RPAP2: variants seen among roughly 807,000 people sequenced by gnomAD.
RPAP2 encodes the protein putative RNA polymerase II subunit B1 CTD phosphatase RPAP2.
A neutral mutation model predicts 73.1 loss-of-function variants in RPAP2; 52 were observed. The observed-to-expected ratio is 0.71, with a 90% CI of 0.57 to 0.90. The LOEUF is 0.90. Among genes scored for constraint, RPAP2 ranks in the 40% least tolerant of loss-of-function variants. The pLI is 0.00. For missense variants in RPAP2, 598 were observed against 701.8 expected, an observed-to-expected ratio of 0.85 and a Z score of 1.67; for synonymous variants, 225 against 242.1, an observed-to-expected ratio of 0.93 and a Z score of 0.65.
intron 10 of RPAP2, among the ~76,000 whole-genome samples, chr1:92,340,443 T>C (rs1204024152): frequency 1.3e-5 from 2 of 152,326 alleles, no homozygotes; most frequent in Middle Eastern, 3.4e-3. Flanking sequence ...TCAATACTGA[T>C]AGTGGGAAAG....
rs558443276 is a variant in RPAP2 at position 92,332,219 on chromosome 1, A to T, written c.1456-1172A>T. ...CATTCTGGATATTTTCTTATTCAGC[A>T]TTCTCTCTTCAGCCATTTCTACTAT... is the stretch of plus-strand genomic sequence containing the variant. On this transcript the variant is annotated intron_variant, in intron 8 of 12. Coordinates refer to ENST00000610020, the MANE Select transcript of RPAP2 (RefSeq NM_024813.3). 1.1e-4 allele frequency among the ~76,000 whole-genome samples: 17 copies of T among 151,842 alleles called. No homozygotes were observed. In the South Asian group the frequency reaches 3.5e-3, roughly 32 times the overall value.
chr1:92,368,766 C>T (rs1655029527), intron 11 of RPAP2, among the ~76,000 whole-genome samples: 1 of 152,172 alleles, frequency 6.6e-6, no homozygotes, highest in Non-Finnish European at 1.5e-5. Flanking sequence ...CTTGTCCTAA[C>T]CTGATTTACA....
intron 6 of RPAP2, among the ~76,000 whole-genome samples, chr1:92,309,488 T>G (rs1651450884): frequency 6.6e-6 from 1 of 152,000 alleles, no homozygotes; most frequent in African/African-American, 2.4e-5. Flanking sequence ...TGAATCAACT[T>G]AATTTACATT....
intron 6 of RPAP2, among the ~76,000 whole-genome samples, chr1:92,310,932 T>C (rs931573307): frequency 2.6e-5 from 4 of 152,206 alleles, no homozygotes; most frequent in Non-Finnish European, 5.9e-5. Context: ...AGATATCTTA[T>C]TGAAATGACT....
chr1:92,306,638 G>GATAGAGACCAGCCTGGGCAACAA (rs1553149400), intron 5 of RPAP2, among the ~76,000 whole-genome samples: 1 of 151,904 alleles, frequency 6.6e-6, no homozygotes, highest in African/African-American at 2.4e-5. Flanking sequence ...AGGGAGAGAA[G>GATAGAGACCAGCCTGGGCAACAA]ATAGAGACCA....
chr1:92,343,685 T>G (rs1178805579), intron 10 of RPAP2, among the ~76,000 whole-genome samples: 1 of 152,124 alleles, frequency 6.6e-6, no homozygotes, highest in Non-Finnish European at 1.5e-5. Context: ...AAACTTGGAA[T>G]AGTGAAGTAC....
intron 11 of RPAP2, among the ~76,000 whole-genome samples, chr1:92,361,250 A>G (rs1421830020): frequency 6.6e-6 from 1 of 152,092 alleles, no homozygotes; most frequent in Non-Finnish European, 1.5e-5. Context: ...AAAGATACCT[A>G]TAGTAAGTGA....
chr1:92,308,554 G>A (rs1022566091), intron 6 of RPAP2, among the ~76,000 whole-genome samples: 2 of 152,000 alleles, frequency 1.3e-5, no homozygotes, highest in East Asian at 3.9e-4. Flanking sequence ...TTAACCCTTT[G>A]TGCCACCCTC....
chr1:92,361,357 T>C (rs561167287), intron 11 of RPAP2, among the ~76,000 whole-genome samples: 1 of 152,286 alleles, frequency 6.6e-6, no homozygotes, highest in South Asian at 2.1e-4. Flanking sequence ...AAGCACTTAC[T>C]CTAGCACTTA....
intron 5 of RPAP2, among the ~76,000 whole-genome samples, chr1:92,306,724 A>G (rs1395495405): frequency 6.6e-6 from 1 of 152,090 alleles, no homozygotes; most frequent in African/African-American, 2.4e-5. Context: ...CTGTAGTCCA[A>G]GCTACTCAGG....
chr1:92,368,607 G>A (rs1655023340), intron 11 of RPAP2, among the ~76,000 whole-genome samples: 1 of 152,136 alleles, frequency 6.6e-6, no homozygotes, highest in Non-Finnish European at 1.5e-5. Flanking sequence ...TGGATAGAAG[G>A]TTTTAATAAA....
chr1:92,313,579 T>G (rs1288958419), intron 6 of RPAP2, among the ~76,000 whole-genome samples: 1 of 152,098 alleles, frequency 6.6e-6, no homozygotes, highest in Non-Finnish European at 1.5e-5. Flanking sequence ...TTAGCATAAT[T>G]CTTAGGGGCC....
At chr1:92,348,356 AC>A (rs1274596889) in intron 11 of RPAP2, among the ~76,000 whole-genome samples, 1 of 152,154 alleles carries the variant, frequency 6.6e-6, no homozygotes, top group Non-Finnish European at 1.5e-5. Flanking sequence ...GTTAGGGGAA[AC>A]CCTTTTAGCT....
intron 11 of RPAP2, among the ~76,000 whole-genome samples, chr1:92,369,829 G>C (rs556877779): frequency 2.0e-5 from 3 of 152,330 alleles, no homozygotes; most frequent in South Asian, 4.1e-4. Flanking sequence ...TGTTTGGTAA[G>C]ATCTTGCAAT....
At chr1:92,326,773 A>T (rs1395698470) in intron 8 of RPAP2, among the ~76,000 whole-genome samples, 1 of 151,938 alleles carries the variant, frequency 6.6e-6, no homozygotes, top group Non-Finnish European at 1.5e-5. Context: ...CTCCCATGCA[A>T]CCCAAAAGAC....
intron 12 of RPAP2, among the ~76,000 whole-genome samples, chr1:92,381,588 C>CT (rs4000737): frequency 0.068 from 9,475 of 139,292 alleles, 789 homozygotes; most frequent in African/African-American, 0.2. Context: ...GGGAGATTTT[C>CT]TTTTTTTTTT....
intron 11 of RPAP2, among the ~76,000 whole-genome samples, chr1:92,366,188 G>A (rs557981230): frequency 4.6e-5 from 7 of 152,154 alleles, no homozygotes; most frequent in South Asian, 2.1e-4. Flanking sequence ...CTGTAGTCTC[G>A]GCTATTTGGG....
chr1:92,331,583 T>G (rs1042243969), intron 8 of RPAP2, among the ~76,000 whole-genome samples: 3 of 152,190 alleles, frequency 2.0e-5, no homozygotes, highest in African/African-American at 7.2e-5. Context: ...TATTGCTTCC[T>G]GGACAATTAG....
At chr1:92,331,183 A>AT (rs1203701227) in intron 8 of RPAP2, among the ~76,000 whole-genome samples, 1 of 152,206 alleles carries the variant, frequency 6.6e-6, no homozygotes, top group African/African-American at 2.4e-5. Context: ...ATTGAAACTC[A>AT]TATCACTATG....
Sources: gnomAD v4.1 joint callset for allele counts (sites outside exome capture counted in the v4.1 genomes callset) on GRCh38, gnomAD v4.1.1 for gene constraint, MANE v1.5 for transcripts, NCBI Gene and HGNC (gene_info 2026-07-23, HGNC 2026-07-21) for gene names.